The following MED20 variants were observed in gnomAD, a reference collection of about 807,000 sequenced individuals.
MED20 encodes the protein mediator of RNA polymerase II transcription subunit 20.
A neutral mutation model predicts 19.7 loss-of-function variants in MED20; 19 were observed. The ratio of observed to expected loss-of-function variants is 0.96; its 90% CI spans 0.67 to 1.42. MED20 has a LOEUF of 1.42. MED20 is among the 40% of genes most tolerant of loss of function. The pLI is 0.00. For synonymous variants in MED20, 105 were observed against 104.8 expected (o/e 1.00, Z -0.01); for missense variants, 225 against 273.0 (o/e 0.82, Z 1.24).
At chr6:41,914,638 A>T (rs1294132862) in intron 2 of MED20, among the ~76,000 whole-genome samples, 1 of 151,974 alleles carries the variant, frequency 6.6e-6, no homozygotes, top group Non-Finnish European at 1.5e-5. Context: ...CTCATTGCCT[A>T]AGCCCAGGAG....
intron 2 of MED20, among the ~76,000 whole-genome samples, chr6:41,914,423 A>C (rs144780709): frequency 1.3e-5 from 2 of 152,216 alleles, no homozygotes; most frequent in African/African-American, 4.8e-5. Context: ...ATCTAAGGGA[A>C]ACAGGTACAT....
At chr6:41,909,941 T>G (rs1210510338) in intron 2 of MED20, among the ~76,000 whole-genome samples, 1 of 152,176 alleles carries the variant, frequency 6.6e-6, no homozygotes, top group Non-Finnish European at 1.5e-5. Context: ...AGGAAGTAGC[T>G]GCTCCCTTCT....
chr6:41,912,809 C>T (rs1423728127), intron 2 of MED20, among the ~76,000 whole-genome samples: 1 of 152,004 alleles, frequency 6.6e-6, no homozygotes, highest in East Asian at 1.9e-4. Flanking sequence ...CACCTGGGAA[C>T]TTATTAGAAA....
At chr6:41,910,078 G>T (rs1561936117) in intron 2 of MED20, among the ~76,000 whole-genome samples, 2 of 152,032 alleles carry the variant, frequency 1.3e-5, no homozygotes, top group Non-Finnish European at 2.9e-5. Context: ...GCTGTGATAG[G>T]TCTTATCTAC....
chr6:41,907,152 C>A lies in MED20; in HGVS notation c.559G>T (p.Ala187Ser). Residue 187 changes from alanine (A) to serine (S), a missense_variant, in exon 4 of 4, where the codon GCA becomes TCA. Physicochemically the swap from Ala to Ser is moderately conservative, Grantham distance 99 (BLOSUM62 1). Coordinates refer to ENST00000265350, the MANE Select transcript of MED20 (RefSeq NM_004275.5). ...GNRHDAVYGP[A>S]DTMVQYMELF... ...TCCATGTACTGGACCATGGTATCTG[C>A]TGGGCCGTAGACCGCATCATGTCTG... 1 of 1,614,048 alleles carries A rather than the reference C, an allele frequency of 6.2e-7. No homozygotes were observed. The highest frequency in any genetic ancestry group is 1.7e-5 in the Admixed American group (1 of 60,006).
At chr6:41,918,530 T>C (rs1775373874) in intron 1 of MED20, among the ~76,000 whole-genome samples, 1 of 142,684 alleles carries the variant, frequency 7.0e-6, no homozygotes, top group African/African-American at 2.6e-5. Flanking sequence ...AAGACGAAAC[T>C]TGGCCAGGCA....
intron 1 of MED20, chr6:41,920,700 G>GCGGA (rs1775439033): frequency 3.4e-6 from 1 of 295,730 alleles, no homozygotes; most frequent in Middle Eastern, 9.0e-4. Context: ...AACCCAAGAG[G>GCGGA]CGGAGTGTTG....
chr6:41,920,989 C>T lies in MED20; in HGVS notation c.14+16G>A, dbSNP rs759145747. 3 of 1,610,208 alleles carry T rather than the reference C, an allele frequency of 1.9e-6. No individual in the cohort carries two copies. The highest frequency in any genetic ancestry group is 2.3e-5 in the East Asian group (1 of 44,272). ...CAACTCCAAGCCCCGCCCCACAAAA[C>T]CCCCTGCAGTCCTACCAAGTCACTC... On this transcript the variant is annotated intron_variant, in intron 1 of 3. Transcript: ENST00000265350.
At chr6:41,910,313 A>G (rs1180744628) in intron 2 of MED20, among the ~76,000 whole-genome samples, 15 of 152,228 alleles carry the variant, frequency 9.9e-5, no homozygotes, top group Non-Finnish European at 2.2e-4. Context: ...ATGGAAAGCT[A>G]TACACATTTA....
rs368052383 is a variant in MED20 at position 41,907,917 on chromosome 6, C to G, written c.424-630G>C. On this transcript the variant is annotated intron_variant, in intron 3 of 3. Transcript: ENST00000265350. Reference sequence around the variant, plus strand: ...GTAAAGAAACAGGTGGAGTGTGTTTCTACTACAAGATTAGAAATGTGGAGG... The same window carrying G: ...GTAAAGAAACAGGTGGAGTGTGTTTGTACTACAAGATTAGAAATGTGGAGG... 5.9e-5 allele frequency among the ~76,000 whole-genome samples: 9 copies of G among 152,234 alleles called. No homozygotes were observed. The South Asian group carries it at 1.9e-3, about 32-fold the overall frequency.
At chr6:41,908,379 C>T (rs541813100) in intron 3 of MED20, among the ~76,000 whole-genome samples, 4 of 152,298 alleles carry the variant, frequency 2.6e-5, no homozygotes, top group East Asian at 3.9e-4. Flanking sequence ...GCCACTGCTA[C>T]ACTGCCACTC....
intron 3 of MED20, among the ~76,000 whole-genome samples, chr6:41,908,440 CTCTG>C (rs1191414601): frequency 6.6e-6 from 1 of 152,054 alleles, no homozygotes; most frequent in Non-Finnish European, 1.5e-5. Flanking sequence ...CACACACACT[CTCTG>C]TGTCACAGAT....
intron 2 of MED20, among the ~76,000 whole-genome samples, chr6:41,915,827 T>C (rs1775302622): frequency 8.3e-6 from 1 of 119,778 alleles, no homozygotes; most frequent in South Asian, 2.7e-4. Flanking sequence ...CAAAGAAATT[T>C]TGGGTTGTAA....
chr6:41,907,743 C>G (rs1415105868), intron 3 of MED20, among the ~76,000 whole-genome samples: 1 of 152,036 alleles, frequency 6.6e-6, no homozygotes, highest in Non-Finnish European at 1.5e-5. Context: ...TAAGTAGAAC[C>G]AACCTGGGTT....
rs1775329904 is a variant in MED20, at chr6:41,916,929, T to C, written c.25A>G (p.Met9Val). The change falls in exon 2 of 4, where the codon ATG (methionine) becomes GTG (valine). Residue 9 changes from methionine to valine, a missense_variant. By Grantham distance (21) the Met-to-Val change is conservative (BLOSUM62 1). Coordinates refer to ENST00000265350, the MANE Select transcript of MED20 (RefSeq NM_004275.5). MGVTCVSQ[M>V]PVAEGKSVQQ... ...ACACTCTTGCCCTCGGCCACAGGCA[T>C]CTGGGACACACTGGAAAGGAGAGCA... The C allele has an allele frequency of 6.2e-7, 1 of 1,614,030 alleles. No homozygotes were observed. Among genetic ancestry groups the C allele is most frequent in the Non-Finnish European group, 8.5e-7 (1 of 1,179,980 alleles).
At chr6:41,908,842 A>T (rs1177410066) in intron 3 of MED20, 2 of 193,446 alleles carry the variant, frequency 1.0e-5, no homozygotes, top group Non-Finnish European at 2.1e-5. Context: ...GAGGAAGCAT[A>T]GATGCCTTGG....
At chr6:41,908,781 C>G (rs759907150) in intron 3 of MED20, among the ~76,000 whole-genome samples, 13 of 152,114 alleles carry the variant, frequency 8.5e-5, no homozygotes, top group African/African-American at 2.2e-4. Context: ...TACTTGCCAG[C>G]TGTGTTAGAG....
chr6:41,919,306 T>G (rs566522407), intron 1 of MED20, among the ~76,000 whole-genome samples: 1 of 152,110 alleles, frequency 6.6e-6, no homozygotes, highest in African/African-American at 2.4e-5. Context: ...ATGTAGTGCC[T>G]GTTAAAACAT....
Position 41,916,337 on chromosome 6 carries a change from T to C in MED20, c.169+448A>G, listed in dbSNP as rs201670759. The stretch of plus-strand genomic sequence containing the variant: ...GCTCACGCCTGTAATCCCAGCACTT[T>C]GGGAGGCCGAGGTGGGCAGATCACC... On this transcript the variant is annotated intron_variant, in intron 2 of 3. Transcript: ENST00000265350. Among the ~76,000 whole-genome samples the C allele has an allele frequency of 1.8e-3, 279 of 152,226 alleles. 5 individuals carry two copies. In the East Asian group the frequency reaches 0.036, roughly 20 times the overall value.
Sources: gnomAD v4.1 joint callset for allele counts (sites outside exome capture counted in the v4.1 genomes callset) on GRCh38, gnomAD v4.1.1 for gene constraint, MANE v1.5 for transcripts, NCBI Gene and HGNC (gene_info 2026-07-23, HGNC 2026-07-21) for gene names.